SEMA3A: variants seen among roughly 807,000 people sequenced by gnomAD.
The protein encoded by SEMA3A is semaphorin 3A.
Under a neutral mutation model 97.9 loss-of-function variants are expected in SEMA3A, and 29 were observed. The ratio of observed to expected loss-of-function variants is 0.30; its 90% confidence interval spans 0.22 to 0.40. The LOEUF is 0.40. Among genes scored for constraint, SEMA3A ranks in the 10% least tolerant of loss-of-function variants. SEMA3A has a pLI of 1.00. For synonymous variants in SEMA3A, 321 were observed against 323.7 expected (o/e 0.99, Z 0.09); for missense variants, 763 against 951.3 (o/e 0.80, Z 2.60).
At chr7:84,420,591 T>C (rs986055750) in intron 1 of SEMA3A, among the ~76,000 whole-genome samples, 1 of 151,994 alleles carries the variant, frequency 6.6e-6, no homozygotes, top group African/African-American at 2.4e-5. Context: ...ACTTTTCTTA[T>C]TTGATAAAAA....
chr7:84,473,813 A>G (rs1806213376), intron 1 of SEMA3A, among the ~76,000 whole-genome samples: 1 of 152,224 alleles, frequency 6.6e-6, no homozygotes, highest in Non-Finnish European at 1.5e-5. Flanking sequence ...AATACTAAAC[A>G]TTGGTTCTAA....
At chr7:84,234,604 C>T (rs552172121) in intron 3 of SEMA3A, among the ~76,000 whole-genome samples, 29 of 151,988 alleles carry the variant, frequency 1.9e-4, no homozygotes, top group Non-Finnish European at 2.5e-4. Context: ...ACCCTTGTTG[C>T]GCTTGGGCGT....
chr7:84,242,219 C>T (rs549950405), intron 3 of SEMA3A, among the ~76,000 whole-genome samples: 1 of 152,172 alleles, frequency 6.6e-6, no homozygotes, highest in African/African-American at 2.4e-5. Flanking sequence ...TTCGTTTGGG[C>T]AGTATGGCCA....
In SEMA3A at chr7:84,218,413, C is replaced by A. The variant is rs188027897; in HGVS notation, c.-82-23745G>T. ...CTTCCCATGAATTACATGATCTTAT[C>A]TTCTGCATTCGGATAGATTAAGGAT... On this transcript the variant is annotated intron_variant, in intron 3 of 3. Coordinates refer to the SEMA3A transcript ENST00000424555. Among the ~76,000 whole-genome samples the A allele has an allele frequency of 8.5e-5, 13 of 152,242 alleles. No individual in the cohort carries two copies. The East Asian group carries it at 2.1e-3, about 25-fold the overall frequency.
At chr7:84,390,716 A>G (rs1270453826) in intron 1 of SEMA3A, among the ~76,000 whole-genome samples, 1 of 152,146 alleles carries the variant, frequency 6.6e-6, no homozygotes, top group East Asian at 1.9e-4. Context: ...AGAAGCAAGA[A>G]ACCAACTATT....
In SEMA3A at chr7:84,351,521, G is replaced by GA. The variant is rs200270424; in HGVS notation, c.-169+20302dup. On this transcript the variant is annotated intron_variant, in intron 2 of 3. Transcript: ENST00000424555. ...ATAAGGAGCTTAAAACATTCAATAG[G>GA]AAAAAAAAATCAAATAATCAAATTC... Among the ~76,000 whole-genome samples, 915 of 147,568 alleles carry GA rather than the reference G, an allele frequency of 6.2e-3. 11 individuals are homozygous for GA. Among genetic ancestry groups the GA allele is most frequent in the African/African-American group, 0.021 (841 of 40,226 alleles).
At chr7:83,995,663 T>C (rs1263580422) in intron 12 of SEMA3A, among the ~76,000 whole-genome samples, 1 of 152,232 alleles carries the variant, frequency 6.6e-6, no homozygotes, top group Non-Finnish European at 1.5e-5. Context: ...TAAGCATGTT[T>C]TCATGAAACT....
intron 3 of SEMA3A, among the ~76,000 whole-genome samples, chr7:84,219,550 G>A (rs906106007): frequency 6.6e-6 from 1 of 152,122 alleles, no homozygotes; most frequent in African/African-American, 2.4e-5. Context: ...TACAATTTTT[G>A]TTTGTTTCCC....
intron 1 of SEMA3A, among the ~76,000 whole-genome samples, chr7:84,409,334 T>C (rs1804197890): frequency 6.6e-6 from 1 of 151,756 alleles, no homozygotes; most frequent in African/African-American, 2.4e-5. Flanking sequence ...GAATCAATTT[T>C]TTAAAATAAA....
intron 4 of SEMA3A, among the ~76,000 whole-genome samples, chr7:84,079,877 T>G (rs144694626): frequency 4.2e-5 from 6 of 141,880 alleles, no homozygotes; most frequent in Non-Finnish European, 7.5e-5. Flanking sequence ...GACTATAAAT[T>G]ATGCTGCTAT....
At chr7:84,129,308 A>G (rs1795891464) in intron 2 of SEMA3A, 123 bp from the exon 3 acceptor site, 1 of 795,736 alleles carries the variant, frequency 1.3e-6, no homozygotes, top group Admixed American at 2.3e-5. Context: ...AGACTGTTTC[A>G]GGAAACTTTC....
chr7:84,211,995 T>C (rs1165955892), intron 3 of SEMA3A, among the ~76,000 whole-genome samples: 1 of 152,184 alleles, frequency 6.6e-6, no homozygotes, highest in Admixed American at 6.5e-5. Context: ...ATGTCATGCA[T>C]ATCCACGTAG....
intron 2 of SEMA3A, among the ~76,000 whole-genome samples, chr7:84,335,575 T>C (rs999590524): frequency 3.3e-5 from 5 of 152,116 alleles, no homozygotes; most frequent in African/African-American, 4.8e-5. Context: ...ACATTTTCTT[T>C]GGGAATTTGA....
intron 1 of SEMA3A, among the ~76,000 whole-genome samples, chr7:84,440,471 T>C (rs913244288): frequency 6.6e-6 from 1 of 152,176 alleles, no homozygotes; most frequent in African/African-American, 2.4e-5. Flanking sequence ...GTACAGACAT[T>C]GTTGTGAGCT....
intron 5 of SEMA3A, among the ~76,000 whole-genome samples, chr7:84,056,555 T>C (rs1792984354): frequency 6.7e-6 from 1 of 149,450 alleles, no homozygotes; most frequent in Non-Finnish European, 1.5e-5. Flanking sequence ...ACTCACAGAG[T>C]ACCAAAGAAA....
chr7:84,473,173 T>TGTGTGA (rs891778095), intron 1 of SEMA3A, among the ~76,000 whole-genome samples: 5 of 151,406 alleles, frequency 3.3e-5, no homozygotes, highest in Admixed American at 1.3e-4. Context: ...TGTGTGTGTG[T>TGTGTGA]GAAACCTACA....
chr7:84,365,893 T>C (rs1802836236), intron 2 of SEMA3A, among the ~76,000 whole-genome samples: 1 of 151,398 alleles, frequency 6.6e-6, no homozygotes, highest in African/African-American at 2.4e-5. Flanking sequence ...TATTTAAATA[T>C]TTTATCTTAA....
intron 1 of SEMA3A, among the ~76,000 whole-genome samples, chr7:84,488,517 G>T (rs1806642447): frequency 6.6e-6 from 1 of 151,888 alleles, no homozygotes; most frequent in African/African-American, 2.4e-5. Flanking sequence ...AATGTGTTTA[G>T]GTGATTCTCA....
chr7:84,472,714 T>C (rs1432613292), intron 1 of SEMA3A, among the ~76,000 whole-genome samples: 2 of 152,176 alleles, frequency 1.3e-5, no homozygotes, highest in Non-Finnish European at 2.9e-5. Flanking sequence ...AATATCCTGC[T>C]CTTAAACTGT....
Sources: gnomAD v4.1 joint callset for allele counts (sites outside exome capture counted in the v4.1 genomes callset) on GRCh38, gnomAD v4.1.1 for gene constraint, MANE v1.5 for transcripts, NCBI Gene and HGNC (gene_info 2026-07-23, HGNC 2026-07-21) for gene names.